ATG5: variants seen among roughly 807,000 people sequenced by gnomAD.
ATG5 encodes the protein autophagy protein 5.
In ATG5, 14 loss-of-function variants were observed where a neutral mutation model predicts 36.5. The ratio of observed to expected loss-of-function variants is 0.38; its 90% confidence interval spans 0.25 to 0.60. The LOEUF (loss-of-function observed/expected upper bound fraction) is 0.60, where lower values mean the gene tolerates loss of function less well. Ranked by LOEUF, ATG5 falls within the 20% of genes least tolerant of loss-of-function variation. The probability of loss-of-function intolerance (pLI) is 0.60; values close to 1 mark genes in which losing one functional copy is unlikely to be tolerated. For synonymous variants in ATG5, 95 were observed against 101.5 expected, an observed-to-expected ratio of 0.94 and a Z score of 0.38; for missense variants, 195 against 326.7, an observed-to-expected ratio of 0.60 and a Z score of 3.11.
At chr6:106,256,881 T>C (rs1488656984) in intron 5 of ATG5, among the ~76,000 whole-genome samples, 1 of 152,200 alleles carries the variant, frequency 6.6e-6, no homozygotes. Context: ...ACATTGAATT[T>C]ATTTAAAAAT....
chr6:106,267,051 T>C (rs927473572), intron 5 of ATG5, among the ~76,000 whole-genome samples: 3 of 152,026 alleles, frequency 2.0e-5, no homozygotes, highest in Non-Finnish European at 4.4e-5. Flanking sequence ...GGAAGTCTAA[T>C]TGTCTCTGTT....
intron 7 of ATG5, among the ~76,000 whole-genome samples, chr6:106,194,186 T>C (rs947807281): frequency 1.3e-5 from 2 of 152,214 alleles, no homozygotes; most frequent in Non-Finnish European, 2.9e-5. Flanking sequence ...ATTACTGAAA[T>C]TGTAAAACCC....
At chr6:106,242,308 A>G (rs1406170252) in intron 6 of ATG5, among the ~76,000 whole-genome samples, 1 of 152,144 alleles carries the variant, frequency 6.6e-6, no homozygotes, top group Non-Finnish European at 1.5e-5. Context: ...CACATAATAC[A>G]ATATAGATAA....
intron 6 of ATG5, among the ~76,000 whole-genome samples, chr6:106,236,203 T>C (rs1251978735): frequency 2.6e-5 from 4 of 152,230 alleles, no homozygotes; most frequent in Admixed American, 2.6e-4. Context: ...TAGTATGCTG[T>C]TTTAGGAATA....
intron 6 of ATG5, 134 bp downstream of exon 6, chr6:106,248,016 A>G (rs550329421): frequency 1.6e-6 from 1 of 614,518 alleles, no homozygotes; most frequent in East Asian, 2.8e-5. Context: ...ATTGCCACTG[A>G]AAGACACAGT....
At chr6:106,248,715 GATC>G (rs1477200081) in intron 5 of ATG5, among the ~76,000 whole-genome samples, 2 of 152,164 alleles carry the variant, frequency 1.3e-5, no homozygotes, top group Non-Finnish European at 2.9e-5. Context: ...GAGGCGGGCA[GATC>G]ACCTGAGGTC....
rs1181438903 is a variant in ATG5 at position 106,201,211 on chromosome 6, T to A, written c.691+761A>T. On this transcript the variant is annotated intron_variant, in intron 7 of 7. Transcript: ENST00000369076. ...TGCTGTGGGCATGATGGGGAGCCCA[T>A]GGATATGAAGGGCCAATGTGTATGT... 2.0e-5 allele frequency among the ~76,000 whole-genome samples: 3 copies of A among 152,260 alleles called. No homozygotes were observed. The South Asian group carries it at 6.2e-4, about 32-fold the overall frequency.
chr6:106,203,177 T>G (rs1047386811), intron 6 of ATG5, among the ~76,000 whole-genome samples: 2 of 152,254 alleles, frequency 1.3e-5, no homozygotes, highest in Admixed American at 6.5e-5. Flanking sequence ...CCATTTCATC[T>G]GACAAAAACT....
chr6:106,314,659 CT>C (rs1770771834), intron 2 of ATG5, among the ~76,000 whole-genome samples: 1 of 151,990 alleles, frequency 6.6e-6, no homozygotes, highest in Non-Finnish European at 1.5e-5. Context: ...CTCACATACT[CT>C]TATATACTAT....
rs188861924 is a variant in ATG5, at chr6:106,230,625, T to C, written c.573+17525A>G. On this transcript the variant is annotated intron_variant, in intron 6 of 7. Coordinates refer to ENST00000369076, the MANE Select transcript of ATG5 (RefSeq NM_004849.4). The stretch of plus-strand genomic sequence containing the variant: ...GGACTAATGCTCATCGGAAAATGAC[T>C]AGTGGTGCTGGCATCCCTATGTTCT... 3.6e-3 allele frequency among the ~76,000 whole-genome samples: 547 copies of C among 152,282 alleles called. 1 individual carries two copies. Among genetic ancestry groups the C allele is most frequent in the Non-Finnish European group, 5.0e-3 (340 of 68,018 alleles).
intron 6 of ATG5, among the ~76,000 whole-genome samples, chr6:106,207,543 A>AAAG (rs1554213491): frequency 1.3e-5 from 2 of 151,866 alleles, no homozygotes; most frequent in Admixed American, 6.5e-5. Context: ...TCTTAAAAAA[A>AAAG]AAAGAAAGAA....
At chr6:106,206,663 AAAG>A (rs1487016385) in intron 6 of ATG5, among the ~76,000 whole-genome samples, 3 of 152,032 alleles carry the variant, frequency 2.0e-5, no homozygotes, top group Non-Finnish European at 4.4e-5. Flanking sequence ...AAAAAAAAAA[AAAG>A]TACACACTCT....
intron 5 of ATG5, among the ~76,000 whole-genome samples, chr6:106,263,817 A>G (rs1779120227): frequency 1.3e-5 from 2 of 152,174 alleles, no homozygotes; most frequent in African/African-American, 4.8e-5. Context: ...ACCCCCACAA[A>G]AAAACTCCAT....
chr6:106,236,120 T>C (rs2787525), intron 6 of ATG5, among the ~76,000 whole-genome samples: 16,767 of 152,200 alleles, frequency 0.11, 999 homozygotes, highest in South Asian at 0.16. Flanking sequence ...TTTGTATTGG[T>C]TCTTTTTACT....
chr6:106,248,090 C>T, intron 6 of ATG5, 60 bp downstream of exon 6: 2 of 1,311,028 alleles, frequency 1.5e-6, no homozygotes, highest in South Asian at 1.2e-5. Context: ...CACTAGAGTG[C>T]TTCAATTAAG....
At chr6:106,229,530 C>T (rs968220540) in intron 6 of ATG5, among the ~76,000 whole-genome samples, 5 of 151,668 alleles carry the variant, frequency 3.3e-5, no homozygotes, top group African/African-American at 1.2e-4. Context: ...AACAGGGAGT[C>T]AGAGAAAGAA....
intron 7 of ATG5, 71 bp downstream of exon 7, chr6:106,201,901 A>G: frequency 8.6e-7 from 1 of 1,159,828 alleles, no homozygotes; most frequent in Non-Finnish European, 1.2e-6. Flanking sequence ...GTTGTTTATA[A>G]ATGTGGAATG....
intron 4 of ATG5, among the ~76,000 whole-genome samples, chr6:106,286,094 T>C (rs1184598053): frequency 6.6e-6 from 1 of 152,228 alleles, no homozygotes; most frequent in Admixed American, 6.5e-5. Flanking sequence ...TTGCAGAGTA[T>C]CAGCTATGCA....
At chr6:106,265,146 T>C (rs200813343) in intron 5 of ATG5, among the ~76,000 whole-genome samples, 2 of 129,758 alleles carry the variant, frequency 1.5e-5, no homozygotes, top group Admixed American at 8.6e-5. Flanking sequence ...GATTGAGGAA[T>C]ATTTACCAAG....
Sources: allele counts gnomAD v4.1 joint callset (sites outside exome capture counted in the v4.1 genomes callset), GRCh38; gene constraint gnomAD v4.1.1; transcripts MANE v1.5; gene names NCBI Gene and HGNC (gene_info 2026-07-23, HGNC 2026-07-21).